The following GADD45GIP1 variants were observed in gnomAD, a reference collection of about 807,000 sequenced individuals.
GADD45GIP1 encodes the protein GADD45G interacting protein 1.
Under a neutral mutation model 22.1 loss-of-function variants are expected in GADD45GIP1, and 17 were observed. The observed-to-expected ratio is 0.77, with a 90% CI of 0.53 to 1.15. The LOEUF is 1.15. GADD45GIP1 is among the 50% of genes most tolerant of loss of function. The probability of loss-of-function intolerance (pLI) is 0.00; values close to 1 mark genes in which losing one functional copy is unlikely to be tolerated. For synonymous variants in GADD45GIP1, 135 were observed against 138.4 expected (o/e 0.98, Z 0.17); for missense variants, 294 against 314.0 (o/e 0.94, Z 0.48).
At chr19:12,956,095 C>G (rs568157427) in intron 1 of GADD45GIP1, among the ~76,000 whole-genome samples, 8 of 152,200 alleles carry the variant, frequency 5.3e-5, no homozygotes, top group Non-Finnish European at 1.0e-4. Context: ...TCTGGTTATT[C>G]AGGTCTTTGC....
chr19:12,955,340 TC>T (rs1274189840), intron 1 of GADD45GIP1, among the ~76,000 whole-genome samples: 1 of 152,120 alleles, frequency 6.6e-6, no homozygotes, highest in Non-Finnish European at 1.5e-5. Flanking sequence ...CCTATAATGG[TC>T]ATCTGGCTGA....
At position 12,954,274 on chromosome 19, in the gene GADD45GIP1, C is replaced by T. The variant is rs924581626; in HGVS notation, c.603G>A (p.Ala201=). 19 of 1,613,850 alleles carry T rather than the reference C, an allele frequency of 1.2e-5. No individual in the cohort carries two copies. The highest frequency in any genetic ancestry group is 1.5e-5 in the Non-Finnish European group (18 of 1,180,042). ...KEEKQKRKKE[A]RAAALAAAVA... is the part of the protein sequence containing the mutation. ...CAGCTGCAGCCAATGCAGCAGCTCG[C>T]GCCTCCTTCTTCCGTTTCTGTTTTT... The change falls in exon 2 of 2, where the codon GCG becomes GCA. Residue 201 remains alanine, a synonymous_variant. Transcript: ENST00000316939.
At position 12,953,384 on chromosome 19, in the gene GADD45GIP1, G is replaced by A. The variant is rs972328833; in HGVS notation, c.*824C>T. 1.1e-5 allele frequency: 2 copies of A among 178,134 alleles called. No homozygotes were observed. Among genetic ancestry groups the A allele is most frequent in the Middle Eastern group, 2.2e-3 (1 of 446 alleles). The allele number at this position is 178,134 out of a possible 1,614,324, so 11.0% of individuals were successfully genotyped here. A position where few individuals can be genotyped will look rare whatever the true frequency, so the allele number is the denominator to read the frequency against. On this transcript the variant is annotated 3_prime_UTR_variant, in exon 2 of 2. Coordinates refer to ENST00000316939, the MANE Select transcript of GADD45GIP1 (RefSeq NM_052850.4). ...GCGGCTGCTTGCCTCTCCATCCTCC[G>A]AAAAACCCCTGAGGACCCCCCCCCA...
chr19:12,954,793 C>T (rs1971903300), intron 1 of GADD45GIP1, among the ~76,000 whole-genome samples: 1 of 152,322 alleles, frequency 6.6e-6, no homozygotes, highest in East Asian at 1.9e-4. Flanking sequence ...GAGCTGCCTA[C>T]TGAGCAAGCC....
At chr19:12,955,025 G>GT in intron 1 of GADD45GIP1, among the ~76,000 whole-genome samples, 1 of 152,210 alleles carries the variant, frequency 6.6e-6, no homozygotes, top group East Asian at 1.9e-4. Context: ...GTGTCATGGG[G>GT]TTTTTTTGTA....
intron 1 of GADD45GIP1, among the ~76,000 whole-genome samples, chr19:12,955,798 T>C (rs904835398): frequency 2.6e-5 from 4 of 151,578 alleles, no homozygotes; most frequent in African/African-American, 9.7e-5. Flanking sequence ...GAGGCAGAGG[T>C]TGCAGTGAGC....
intron 1 of GADD45GIP1, 85 bp downstream of exon 1, chr19:12,956,778 G>C: frequency 8.6e-7 from 1 of 1,168,632 alleles, no homozygotes; most frequent in African/African-American, 1.6e-5. Flanking sequence ...GCTGCGACGT[G>C]ACCCCGAAGG....
chr19:12,955,523 C>T (rs990966348), intron 1 of GADD45GIP1, among the ~76,000 whole-genome samples: 10 of 152,098 alleles, frequency 6.6e-5, no homozygotes, highest in Non-Finnish European at 1.5e-4. Flanking sequence ...CACACTTGAC[C>T]TACCCCCTTC....
chr19:12,954,179 A>G lies in GADD45GIP1; in HGVS notation c.*29T>C. 1 of 1,587,412 alleles carries G rather than the reference A, an allele frequency of 6.3e-7. No individual in the cohort carries two copies. Among genetic ancestry groups the G allele is most frequent in the Non-Finnish European group, 8.6e-7 (1 of 1,162,262 alleles). ...GATCTCTTCAGGGGTACTGCCAGGT[A>G]GCAGGCTTTATTGGGAAGGGACAAA... On this transcript the variant is annotated 3_prime_UTR_variant, in exon 2 of 2. Transcript: ENST00000316939.
chr19:12,955,337 T>C (rs1971910503), intron 1 of GADD45GIP1, among the ~76,000 whole-genome samples: 1 of 152,178 alleles, frequency 6.6e-6, no homozygotes, highest in Non-Finnish European at 1.5e-5. Context: ...AGCCCTATAA[T>C]GGTCATCTGG....
intron 1 of GADD45GIP1, 40 bp from the exon 2 acceptor site, chr19:12,954,566 GC>G: frequency 6.4e-7 from 1 of 1,553,110 alleles, no homozygotes; most frequent in Non-Finnish European, 8.7e-7. Flanking sequence ...CTGGCACTCA[GC>G]CAGGGCAGAG....
rs764383203 is a variant in GADD45GIP1 at position 12,957,173 on chromosome 19, C to T, written c.40G>A (p.Val14Met). The change falls in exon 1 of 2, where the codon GTG becomes ATG. Residue 14 changes from valine to methionine, a missense_variant. Coordinates refer to ENST00000316939, the MANE Select transcript of GADD45GIP1 (RefSeq NM_052850.4). ...GAACCCGGGGCCAGGGTCGCCGCCA[C>T]ACCTAGTAGGCTGCGTGCCTGTCGC... is the stretch of plus-strand genomic sequence containing the variant. ...SVRQARSLLG[V>M]AATLAPGSRG... The T allele has an allele frequency of 7.0e-7, 1 of 1,419,118 alleles. No individual in the cohort carries two copies. The highest frequency in any genetic ancestry group is 9.1e-7 in the Non-Finnish European group (1 of 1,099,588). The allele number at this position is 1,419,118 out of a possible 1,614,324, so 87.9% of individuals were successfully genotyped here.
chr19:12,954,612 C>T (rs1971901032), intron 1 of GADD45GIP1, 86 bp from the exon 2 acceptor site: 5 of 1,142,950 alleles, frequency 4.4e-6, no homozygotes, highest in East Asian at 2.4e-5. Flanking sequence ...AGGCCTTTGC[C>T]CACGAGCCTG....
chr19:12,956,850 T>G lies in GADD45GIP1; in HGVS notation c.350+13A>C, dbSNP rs767412838. The G allele has an allele frequency of 6.3e-7, 1 of 1,594,608 alleles. No homozygotes were observed. Among genetic ancestry groups the G allele is most frequent in the African/African-American group, 1.3e-5 (1 of 74,160 alleles). On this transcript the variant is annotated intron_variant, in intron 1 of 1. Coordinates refer to ENST00000316939, the MANE Select transcript of GADD45GIP1 (RefSeq NM_052850.4). ...CACAGAGGGCAGCCCCGCGTCTGCC[T>G]GCACGCACGCACCTCTCCCGACGCT...
In GADD45GIP1 at chr19:12,957,201, G is replaced by A. The variant is rs1423392264; in HGVS notation, c.12C>T (p.Ser4=). The change falls in exon 1 of 2, where the codon TCC becomes TCT. Residue 4 remains serine, a synonymous_variant. Transcript: ENST00000316939. ...CTAGTAGGCTGCGTGCCTGTCGCAC[G>A]GACGCCGCCATCTTGGCTGTGCGGG... The part of the protein sequence containing the change: MAA[S]VRQARSLLGV... The A allele has an allele frequency of 2.1e-6, 3 of 1,399,130 alleles. No homozygotes were observed. 86.7% of individuals were successfully genotyped at this position (1,399,130 alleles called of 1,614,324 possible). A position where few individuals can be genotyped will look rare whatever the true frequency, so the allele number is the denominator to read the frequency against.
chr19:12,954,833 CT>C (rs1232529500), intron 1 of GADD45GIP1, among the ~76,000 whole-genome samples: 1 of 152,186 alleles, frequency 6.6e-6, no homozygotes, highest in Non-Finnish European at 1.5e-5. Flanking sequence ...AATTTCACAC[CT>C]TTATTTCATA....
intron 1 of GADD45GIP1, 78 bp from the exon 2 acceptor site, chr19:12,954,604 G>A (rs1251700790): frequency 1.6e-6 from 2 of 1,269,174 alleles, no homozygotes; most frequent in Admixed American, 4.8e-5. Context: ...TCACCCATAG[G>A]CCTTTGCCCA....
In GADD45GIP1 at chr19:12,954,233, G is replaced by T. The variant is rs1234525948; in HGVS notation, c.644C>A (p.Ala215Glu). 2 of 1,613,790 alleles carry T rather than the reference G, an allele frequency of 1.2e-6. No individual in the cohort carries two copies. Among genetic ancestry groups the T allele is most frequent in the South Asian group, 2.2e-5 (2 of 91,084 alleles). ...ALAAAVAQDP[A>E]ASGAPSS ...TCAGGAGCTGGGTGCCCCAGAGGCT[G>T]CTGGGTCTTGAGCCACAGCTGCAGC... The change falls in exon 2 of 2, where the codon GCA becomes GAA. Residue 215 changes from alanine (A) to glutamate (E), a missense_variant. By Grantham distance (107) the Ala-to-Glu change is moderately radical (BLOSUM62 -1). Transcript: ENST00000316939.
chr19:12,955,024 G>A (rs962045153), intron 1 of GADD45GIP1, among the ~76,000 whole-genome samples: 4 of 152,052 alleles, frequency 2.6e-5, no homozygotes, highest in African/African-American at 9.7e-5. Context: ...TGTGTCATGG[G>A]GTTTTTTTGT....
Sources: gnomAD v4.1 joint callset for allele counts (sites outside exome capture counted in the v4.1 genomes callset) on GRCh38, gnomAD v4.1.1 for gene constraint, MANE v1.5 for transcripts, NCBI Gene and HGNC (gene_info 2026-07-23, HGNC 2026-07-21) for gene names.